Variants in DNM3 observed in about 807,000 individuals in gnomAD.
DNM3 encodes the protein dynamin-3.
A neutral mutation model predicts 101.6 loss-of-function variants in DNM3; 47 were observed. The observed-to-expected ratio is 0.46, with a 90% confidence interval of 0.37 to 0.59. The LOEUF (loss-of-function observed/expected upper bound fraction) is 0.59. Among genes scored for constraint, DNM3 ranks in the 20% least tolerant of loss-of-function variants. The pLI, the probability that DNM3 is intolerant of heterozygous loss-of-function variation, is 0.00. For synonymous variants in DNM3, 385 were observed against 387.9 expected, an observed-to-expected ratio of 0.99 and a Z score of 0.09; for missense variants, 849 against 1,085.7, an observed-to-expected ratio of 0.78 and a Z score of 3.06.
chr1:171,951,991 G>T (rs144970226), intron 2 of DNM3, among the ~76,000 whole-genome samples: 2 of 152,322 alleles, frequency 1.3e-5, no homozygotes, highest in East Asian at 3.9e-4. Flanking sequence ...TAGATTCAAA[G>T]ATTTTGTGAT....
At chr1:171,887,026 G>C (rs1485205606) in intron 1 of DNM3, among the ~76,000 whole-genome samples, 1 of 152,198 alleles carries the variant, frequency 6.6e-6, no homozygotes, top group Non-Finnish European at 1.5e-5. Flanking sequence ...AAGGGCAGGA[G>C]AAGGTAGATT....
chr1:172,042,249 C>T (rs2049441275), intron 8 of DNM3, 105 bp downstream of exon 8: 1 of 1,108,784 alleles, frequency 9.0e-7, no homozygotes. Flanking sequence ...TAACATAGTT[C>T]TTTGAACAAA....
Position 172,336,687 on chromosome 1 carries a change from G to A in DNM3, c.1893+13347G>A, listed in dbSNP as rs549321544. ...TTATTTAATCCTTGGCAGTTTGATC[G>A]TGTCTTTACCTTTAAAAAAAAAAAA... On this transcript the variant is annotated intron_variant, in intron 17 of 20. Transcript: ENST00000627582. 3.4e-5 allele frequency among the ~76,000 whole-genome samples: 5 copies of A among 147,422 alleles called. No individual in the cohort carries two copies. In the East Asian group the frequency reaches 5.9e-4, roughly 17 times the overall value.
chr1:172,353,027 C>A (rs997924512), intron 17 of DNM3, among the ~76,000 whole-genome samples: 1 of 152,078 alleles, frequency 6.6e-6, no homozygotes, highest in Non-Finnish European at 1.5e-5. Context: ...TTTCAAATCC[C>A]CACCTCAAGG....
At chr1:172,322,582 A>G (rs1328990127) in intron 16 of DNM3, among the ~76,000 whole-genome samples, 1 of 152,154 alleles carries the variant, frequency 6.6e-6, no homozygotes, top group Non-Finnish European at 1.5e-5. Context: ...CTTTACCCAG[A>G]GTGTCGCTTT....
At chr1:172,283,050 C>T (rs1204830699) in intron 15 of DNM3, among the ~76,000 whole-genome samples, 1 of 152,222 alleles carries the variant, frequency 6.6e-6, no homozygotes. Flanking sequence ...TACTGACAAT[C>T]AGGCAGATCT....
chr1:172,356,614 G>C (rs988247168), intron 17 of DNM3, among the ~76,000 whole-genome samples: 1 of 151,870 alleles, frequency 6.6e-6, no homozygotes, highest in Non-Finnish European at 1.5e-5. Flanking sequence ...CCTAAGCAAG[G>C]ATTTCCAATT....
chr1:171,972,447 A>T (rs1015488056), intron 2 of DNM3, among the ~76,000 whole-genome samples: 26 of 152,236 alleles, frequency 1.7e-4, no homozygotes, highest in African/African-American at 6.3e-4. Flanking sequence ...TGGAAATGAT[A>T]TTTGAAGAGG....
chr1:171,857,184 G>A (rs1023482669), intron 1 of DNM3, among the ~76,000 whole-genome samples: 1 of 152,182 alleles, frequency 6.6e-6, no homozygotes, highest in Non-Finnish European at 1.5e-5. Flanking sequence ...AGTGTGCCTG[G>A]AGTCAGGCTT....
intron 2 of DNM3, among the ~76,000 whole-genome samples, chr1:171,926,928 C>G (rs1467204236): frequency 6.6e-6 from 1 of 152,186 alleles, no homozygotes; most frequent in Non-Finnish European, 1.5e-5. Context: ...ATGAAAACCA[C>G]ATAGCTACCA....
intron 15 of DNM3, among the ~76,000 whole-genome samples, chr1:172,286,024 G>T (rs1046922362): frequency 9.9e-5 from 15 of 151,290 alleles, no homozygotes; most frequent in Admixed American, 9.9e-4. Context: ...TGCATTGATA[G>T]TTCCTCAAAG....
intron 17 of DNM3, chr1:172,366,597 A>G (rs1573620732): frequency 6.6e-6 from 1 of 152,034 alleles, no homozygotes; most frequent in East Asian, 1.9e-4. Context: ...AGATTAACAC[A>G]GCCCCTGCAC....
intron 1 of DNM3, among the ~76,000 whole-genome samples, chr1:171,901,393 A>G (rs1346610656): frequency 6.6e-6 from 1 of 152,076 alleles, no homozygotes; most frequent in African/African-American, 2.4e-5. Context: ...TAGATTACTC[A>G]CCAGTGAACA....
intron 17 of DNM3, among the ~76,000 whole-genome samples, chr1:172,335,907 G>T (rs1315861920): frequency 6.6e-6 from 1 of 152,132 alleles, no homozygotes. Context: ...ATATACTCAT[G>T]TAACAAACCT....
intron 1 of DNM3, among the ~76,000 whole-genome samples, chr1:171,917,506 G>A (rs1285009385): frequency 2.0e-5 from 3 of 152,112 alleles, no homozygotes; most frequent in African/African-American, 7.2e-5. Flanking sequence ...TTAACTTACT[G>A]CCTGAAGACC....
At chr1:172,283,780 A>AAAAAAAAAAAAAAAAAGAAAG (rs1553221113) in intron 15 of DNM3, among the ~76,000 whole-genome samples, 11 of 119,068 alleles carry the variant, frequency 9.2e-5, no homozygotes, top group Non-Finnish European at 1.9e-4. Flanking sequence ...AAAAAAAAAA[A>AAAAAAAAAAAAAAAAAGAAAG]AAAGAAAGAA....
Position 172,164,837 on chromosome 1 carries a change from C to A in DNM3, c.1659+33549C>A, listed in dbSNP as rs150644000. On this transcript the variant is annotated intron_variant, in intron 14 of 20. Coordinates refer to ENST00000627582, the MANE Select transcript of DNM3 (RefSeq NM_015569.5). ...GGTAGTGGGAGTGGTTTTAAAGGACCCTTTTTCCTAAGGGCATCAGACATG... is the reference window on the plus strand; with the variant it reads ...GGTAGTGGGAGTGGTTTTAAAGGACACTTTTTCCTAAGGGCATCAGACATG... Among the ~76,000 whole-genome samples the A allele has an allele frequency of 3.2e-3, 482 of 152,084 alleles. 3 individuals are homozygous for A. The highest frequency in any genetic ancestry group is 0.02 in the Middle Eastern group (6 of 294).
In DNM3 at chr1:172,299,015, C is replaced by T. The variant is rs188254967; in HGVS notation, c.1770-9713C>T. Among the ~76,000 whole-genome samples the T allele has an allele frequency of 6.6e-5, 10 of 152,238 alleles. No homozygotes were observed. The South Asian group carries it at 1.7e-3, about 25-fold the overall frequency. The stretch of plus-strand genomic sequence containing the variant: ...AGGGGAAAAATGTATGACAGAGGAG[C>T]TGGCCTGGTAGGACTGTCAGGGAAG... On this transcript the variant is annotated intron_variant, in intron 15 of 20. Transcript: ENST00000627582.
At chr1:172,036,492 A>G (rs1364258659) in intron 6 of DNM3, among the ~76,000 whole-genome samples, 5 of 152,050 alleles carry the variant, frequency 3.3e-5, no homozygotes, top group African/African-American at 7.2e-5. Flanking sequence ...ATAACGCCGC[A>G]TATCTACAAC....
Sources: allele counts gnomAD v4.1 joint callset (sites outside exome capture counted in the v4.1 genomes callset), GRCh38; gene constraint gnomAD v4.1.1; transcripts MANE v1.5; gene names NCBI Gene and HGNC (gene_info 2026-07-23, HGNC 2026-07-21).